Variants in NELL2 observed in about 807,000 individuals in gnomAD.
NELL2 encodes neural EGFL like 2.
NELL2 carries 41 observed loss-of-function variants against 109.6 expected under a neutral mutation model. The observed-to-expected ratio is 0.37, with a 90% confidence interval of 0.29 to 0.49. NELL2 has a LOEUF of 0.49. Ranked by LOEUF, NELL2 falls within the 20% of genes least tolerant of loss-of-function variation. NELL2 has a pLI of 0.98. For synonymous variants in NELL2, 355 were observed against 344.7 expected (o/e 1.03, Z -0.33); for missense variants, 900 against 1,008.3 (o/e 0.89, Z 1.45).
intron 13 of NELL2, among the ~76,000 whole-genome samples, chr12:44,638,795 C>T (rs942530337): frequency 1.3e-5 from 2 of 152,150 alleles, no homozygotes; most frequent in Non-Finnish European, 2.9e-5. Context: ...TATGTACAGG[C>T]CAAATGGATG....
At chr12:44,865,217 G>A (rs1195246124) in intron 2 of NELL2, among the ~76,000 whole-genome samples, 1 of 114,926 alleles carries the variant, frequency 8.7e-6, no homozygotes, top group Non-Finnish European at 1.8e-5. Flanking sequence ...TGATGGGGTT[G>A]TTTGTTTTTT....
intron 15 of NELL2, among the ~76,000 whole-genome samples, chr12:44,557,864 C>T (rs1230195962): frequency 1.3e-5 from 2 of 151,918 alleles, no homozygotes; most frequent in African/African-American, 2.4e-5. Context: ...AAAGGGCACC[C>T]CGAGCAGTAA....
intron 12 of NELL2, among the ~76,000 whole-genome samples, chr12:44,691,394 T>A (rs1948895333): frequency 6.6e-6 from 1 of 152,194 alleles, no homozygotes; most frequent in Non-Finnish European, 1.5e-5. Flanking sequence ...ATGGCAAACT[T>A]AATCGATAAC....
chr12:44,831,149 C>T (rs1943876032), intron 2 of NELL2, among the ~76,000 whole-genome samples: 1 of 152,010 alleles, frequency 6.6e-6, no homozygotes, highest in Non-Finnish European at 1.5e-5. Flanking sequence ...ACCAATATTA[C>T]CCCTGTATAA....
At chr12:44,578,611 A>G (rs1010904566) in intron 15 of NELL2, among the ~76,000 whole-genome samples, 4 of 142,462 alleles carry the variant, frequency 2.8e-5, no homozygotes, top group Non-Finnish European at 4.5e-5. Flanking sequence ...CCTCAAATCT[A>G]TACCTTGCAA....
At chr12:44,795,826 T>C (rs1942600461) in intron 3 of NELL2, among the ~76,000 whole-genome samples, 1 of 152,164 alleles carries the variant, frequency 6.6e-6, no homozygotes, top group Admixed American at 6.5e-5. Flanking sequence ...TCTTGCCACT[T>C]CCAGTGATTC....
chr12:44,709,586 G>T (rs1214154356), intron 11 of NELL2, among the ~76,000 whole-genome samples: 1 of 152,166 alleles, frequency 6.6e-6, no homozygotes, highest in African/African-American at 2.4e-5. Flanking sequence ...AATCCACTGA[G>T]ATTTGGAGCA....
At chr12:44,902,308 C>T (rs1945669783) in intron 1 of NELL2, among the ~76,000 whole-genome samples, 2 of 152,052 alleles carry the variant, frequency 1.3e-5, no homozygotes, top group Admixed American at 1.3e-4. Flanking sequence ...ACAATTGCTA[C>T]AAAGAGAATA....
intron 13 of NELL2, among the ~76,000 whole-genome samples, chr12:44,635,684 T>C (rs957616831): frequency 1.3e-5 from 2 of 152,226 alleles, no homozygotes; most frequent in Non-Finnish European, 2.9e-5. Context: ...TTGGTTACAG[T>C]AGACTTGTAG....
At chr12:44,581,910 T>A (rs1944338544) in intron 15 of NELL2, among the ~76,000 whole-genome samples, 1 of 152,216 alleles carries the variant, frequency 6.6e-6, no homozygotes, top group African/African-American at 2.4e-5. Context: ...TTGCTTTAAT[T>A]TTAAAAATTC....
At chr12:44,803,170 G>A (rs1211171977) in intron 3 of NELL2, among the ~76,000 whole-genome samples, 1 of 151,966 alleles carries the variant, frequency 6.6e-6, no homozygotes, top group Admixed American at 6.6e-5. Flanking sequence ...CAGAATGAGA[G>A]GCCTATACTT....
chr12:44,561,547 C>A (rs1462583606), intron 15 of NELL2, among the ~76,000 whole-genome samples: 1 of 151,900 alleles, frequency 6.6e-6, no homozygotes, highest in Non-Finnish European at 1.5e-5. Flanking sequence ...ACAGCCAAAT[C>A]ATGAGTGAAT....
chr12:44,844,435 A>G (rs951042077), intron 2 of NELL2, among the ~76,000 whole-genome samples: 1 of 152,254 alleles, frequency 6.6e-6, no homozygotes, highest in African/African-American at 2.4e-5. Context: ...GAATCTAGAT[A>G]CAAAAAAACT....
chr12:44,521,400 G>T (rs1243952141), intron 18 of NELL2, among the ~76,000 whole-genome samples: 1 of 150,978 alleles, frequency 6.6e-6, no homozygotes, highest in African/African-American at 2.4e-5. Flanking sequence ...CGTAGTGGCG[G>T]GCGCCTGTAG....
intron 1 of NELL2, among the ~76,000 whole-genome samples, chr12:44,890,433 G>A (rs752664456): frequency 3.2e-4 from 49 of 152,146 alleles, no homozygotes; most frequent in Non-Finnish European, 6.5e-4. Context: ...TCAAAATCAC[G>A]CAACTAATTA....
At chr12:44,698,162 C>A (rs762314627) in intron 12 of NELL2, among the ~76,000 whole-genome samples, 4 of 152,156 alleles carry the variant, frequency 2.6e-5, no homozygotes, top group Admixed American at 6.6e-5. Flanking sequence ...ATGATTTTAT[C>A]TCATCTTAAC....
chr12:44,592,373 A>G (rs76436753), intron 15 of NELL2, among the ~76,000 whole-genome samples: 1,939 of 152,322 alleles, frequency 0.013, 26 homozygotes, highest in Non-Finnish European at 0.02. Context: ...ATATGTCATA[A>G]TAAAGGAAAA....
At chr12:44,918,373 C>A (rs1945844097), upstream of NELL2, among the ~76,000 whole-genome samples, 1 of 152,130 alleles carries the variant, frequency 6.6e-6, no homozygotes, top group East Asian at 1.9e-4. Context: ...CGTGTTAACT[C>A]CAAAGCTTGC....
chr12:44,653,499 G>C (rs1947376388), intron 13 of NELL2, among the ~76,000 whole-genome samples: 1 of 152,016 alleles, frequency 6.6e-6, no homozygotes, highest in Non-Finnish European at 1.5e-5. Flanking sequence ...CTGTCTTCTG[G>C]TTGTTGTTGT....
Sources: gnomAD v4.1 joint callset for allele counts (sites outside exome capture counted in the v4.1 genomes callset) on GRCh38, gnomAD v4.1.1 for gene constraint, MANE v1.5 for transcripts, NCBI Gene and HGNC (gene_info 2026-07-23, HGNC 2026-07-21) for gene names.